NNT: variants seen among roughly 807,000 people sequenced by gnomAD.
NNT encodes nicotinamide nucleotide transhydrogenase.
NNT carries 50 observed loss-of-function variants against 104.8 expected under a neutral mutation model. The observed-to-expected ratio is 0.48, with a 90% CI of 0.38 to 0.60. The LOEUF (loss-of-function observed/expected upper bound fraction) is 0.60, where lower values mean the gene tolerates loss of function less well. Among genes scored for constraint, NNT ranks in the 20% least tolerant of loss-of-function variants. The probability of loss-of-function intolerance (pLI) is 0.00; values close to 1 mark genes in which losing one functional copy is unlikely to be tolerated. For missense variants in NNT, 1,131 were observed against 1,330.7 expected, an observed-to-expected ratio of 0.85 and a Z score of 2.33; for synonymous variants, 461 against 490.4, an observed-to-expected ratio of 0.94 and a Z score of 0.79.
chr5:43,667,069 T>A, intron 17 of NNT: 1 of 1,593,950 alleles, frequency 6.3e-7, no homozygotes, highest in Non-Finnish European at 8.5e-7. Context: ...CTGCATCTTC[T>A]TTAGGCCCTT....
intron 17 of NNT, among the ~76,000 whole-genome samples, chr5:43,670,587 T>C (rs200947232): frequency 1.3e-5 from 2 of 152,180 alleles, no homozygotes; most frequent in African/African-American, 2.4e-5. Context: ...TGTAGTTGAG[T>C]GGTTTTCAGT....
intron 18 of NNT, among the ~76,000 whole-genome samples, chr5:43,677,489 G>A (rs888038663): frequency 6.6e-6 from 1 of 151,994 alleles, no homozygotes; most frequent in Non-Finnish European, 1.5e-5. Context: ...TCGGGGGTGG[G>A]GTTGCACAGC....
At chr5:43,667,663 A>G (rs1740786542) in intron 17 of NNT, among the ~76,000 whole-genome samples, 1 of 152,136 alleles carries the variant, frequency 6.6e-6, no homozygotes, top group South Asian at 2.1e-4. Flanking sequence ...AATCCAGTCT[A>G]TCATTGGTGG....
intron 6 of NNT, among the ~76,000 whole-genome samples, chr5:43,625,128 T>G (rs566628032): frequency 2.6e-5 from 4 of 152,272 alleles, no homozygotes; most frequent in African/African-American, 9.6e-5. Context: ...TTTTACTGTT[T>G]GTTGATGTGA....
intron 17 of NNT, chr5:43,667,040 T>C: frequency 2.5e-6 from 4 of 1,596,896 alleles, no homozygotes; most frequent in Non-Finnish European, 3.4e-6. Context: ...CGTGCACTCA[T>C]GGCCTTGGCA....
At position 43,644,766 on chromosome 5, in the gene NNT, G is replaced by T. The variant is rs758743127; in HGVS notation, c.1254G>T (p.Thr418=). The T allele has an allele frequency of 1.1e-5, 18 of 1,614,124 alleles. No homozygotes were observed. The highest frequency in any genetic ancestry group is 1.1e-4 in the African/African-American group (8 of 75,062). Residue 418 remains threonine (T), a synonymous_variant, in exon 9 of 22, where the codon ACG becomes ACT. Transcript: ENST00000344920. ...TGAAAGATGACTTTGACTTTGGTAC[G>T]ATGGGTCATGTCATTAGAGGAACTG... is the stretch of plus-strand genomic sequence containing the variant. ...FDVKDDFDFG[T]MGHVIRGTVV... is the part of the protein sequence containing the mutation.
chr5:43,673,974 C>T lies in NNT; in HGVS notation c.2635-1537C>T, dbSNP rs529785444. Among the ~76,000 whole-genome samples, 6 of 149,590 alleles carry T rather than the reference C, an allele frequency of 4.0e-5. No individual in the cohort carries two copies. In the South Asian group the frequency reaches 8.5e-4, roughly 21 times the overall value. On this transcript the variant is annotated intron_variant, in intron 17 of 21. Transcript: ENST00000344920. ...GGCGGAGGTTGCAGTGAGCTGAGAT[C>T]ATTCCACTGCACTCCAGCCTGGGTG...
At chr5:43,683,631 G>T (rs1741832908) in intron 19 of NNT, among the ~76,000 whole-genome samples, 1 of 152,160 alleles carries the variant, frequency 6.6e-6, no homozygotes, top group South Asian at 2.1e-4. Flanking sequence ...AATAAATAAG[G>T]ATCTTGCTTA....
At position 43,650,505 on chromosome 5, in the gene NNT, G is replaced by C; in HGVS notation, c.1635G>C (p.Leu545=). Residue 545 remains leucine, a synonymous_variant, in exon 12 of 22, where the codon CTG becomes CTC. Transcript: ENST00000344920. ...TGACTGCAGTTGGTGGGTTGGCACTGATGGGAGGACATTTGTATCCTTCCA... is the reference window on the plus strand; with the variant it reads ...TGACTGCAGTTGGTGGGTTGGCACTCATGGGAGGACATTTGTATCCTTCCA... ...SGLTAVGGLA[L]MGGHLYPSTT... The C allele has an allele frequency of 1.2e-6, 2 of 1,614,098 alleles. No homozygotes were observed. Among genetic ancestry groups the C allele is most frequent in the South Asian group, 1.1e-5 (1 of 91,072 alleles).
In NNT at chr5:43,619,040, C is replaced by CT; in HGVS notation, c.609dup (p.Val204CysfsTer26). On this transcript the variant is annotated frameshift_variant, in exon 5 of 22. Transcript: ENST00000344920. LOFTEE classifies it high-confidence loss of function. ...TTTATTTATTTTTAAAGTTATAAGG[C>CT]TGTTGTCCTAGCAGCAAATCATTTT... 1 of 1,536,334 alleles carries CT rather than the reference C, an allele frequency of 6.5e-7. No individual in the cohort carries two copies. Among genetic ancestry groups the CT allele is most frequent in the Non-Finnish European group, 8.8e-7 (1 of 1,137,580 alleles).
At position 43,702,751 on chromosome 5, in the gene NNT, T is replaced by C; in HGVS notation, c.3111+15T>C. ...AATCAAAGCAGGTAAAGTTTCAGACTTGTATTTCATTCTGATAATCAAAGG... is the reference window on the plus strand; with the variant it reads ...AATCAAAGCAGGTAAAGTTTCAGACCTGTATTTCATTCTGATAATCAAAGG... On this transcript the variant is annotated intron_variant, in intron 21 of 21. Coordinates refer to ENST00000344920, the MANE Select transcript of NNT (RefSeq NM_182977.3). 3 of 1,533,212 alleles carry C rather than the reference T, an allele frequency of 2.0e-6. No homozygotes were observed. Among genetic ancestry groups the C allele is most frequent in the Non-Finnish European group, 2.7e-6 (3 of 1,113,994 alleles). The allele number at this position is 1,533,212 out of a possible 1,614,324, so 95.0% of individuals were successfully genotyped here.
At chr5:43,702,505 G>T in intron 20 of NNT, 116 bp from the exon 21 acceptor site, 1 of 645,864 alleles carries the variant, frequency 1.5e-6, no homozygotes, top group Non-Finnish European at 2.4e-6. Context: ...GCACAAGTGC[G>T]AATCCTATAT....
chr5:43,627,616 T>C (rs963782055), intron 6 of NNT, among the ~76,000 whole-genome samples: 2 of 152,218 alleles, frequency 1.3e-5, no homozygotes, highest in Non-Finnish European at 2.9e-5. Context: ...TTTATTTATT[T>C]ATTTAAAACT....
At chr5:43,669,522 G>C (rs1207411012) in intron 17 of NNT, among the ~76,000 whole-genome samples, 2 of 152,054 alleles carry the variant, frequency 1.3e-5, no homozygotes, top group Non-Finnish European at 2.9e-5. Context: ...GGCCTTTTCT[G>C]CATCTATTGA....
intron 10 of NNT, 69 bp downstream of exon 10, chr5:43,645,579 A>C: frequency 1.4e-5 from 13 of 950,816 alleles, no homozygotes; most frequent in South Asian, 3.2e-5. Flanking sequence ...ATATATATCT[A>C]TAGATATATG....
chr5:43,619,908 C>A (rs1389107943), intron 5 of NNT, among the ~76,000 whole-genome samples: 1 of 151,900 alleles, frequency 6.6e-6, no homozygotes, highest in African/African-American at 2.4e-5. Context: ...CAGGCGTGTG[C>A]AAAAAAGATC....
intron 10 of NNT, 99 bp downstream of exon 10, chr5:43,645,609 A>C: frequency 2.0e-6 from 1 of 489,452 alleles, no homozygotes; most frequent in Non-Finnish European, 3.0e-6. Context: ...ATATACGTAT[A>C]TATAGATATA....
intron 19 of NNT, among the ~76,000 whole-genome samples, chr5:43,698,338 G>A (rs984445512): frequency 2.0e-5 from 3 of 151,840 alleles, no homozygotes; most frequent in African/African-American, 7.3e-5. Flanking sequence ...TTCTTACCAT[G>A]CCTGTGTGGG....
chr5:43,662,331 T>G (rs142826161), intron 17 of NNT, among the ~76,000 whole-genome samples: 4 of 152,310 alleles, frequency 2.6e-5, no homozygotes, highest in African/African-American at 7.2e-5. Context: ...GAAAGTACTC[T>G]CTTCTACGTG....
Sources: gnomAD v4.1 joint callset for allele counts (sites outside exome capture counted in the v4.1 genomes callset) on GRCh38, gnomAD v4.1.1 for gene constraint, MANE v1.5 for transcripts, NCBI Gene and HGNC (gene_info 2026-07-23, HGNC 2026-07-21) for gene names.